GPR39: variants seen among roughly 807,000 people sequenced by gnomAD.
GPR39 encodes zinc sensing receptor.
In GPR39, 23 loss-of-function variants were observed where a neutral mutation model predicts 18.4. The ratio of observed to expected loss-of-function variants is 1.25; its 90% CI spans 0.90 to 1.77. The LOEUF (loss-of-function observed/expected upper bound fraction) is 1.77, where lower values mean the gene tolerates loss of function less well. Among genes scored for constraint, GPR39 ranks in the 40% most tolerant of loss-of-function variants. The probability of loss-of-function intolerance (pLI) is 0.00; values close to 1 mark genes in which losing one functional copy is unlikely to be tolerated. For missense variants in GPR39, 647 were observed against 602.4 expected (o/e 1.07, Z -0.78); for synonymous variants, 280 against 257.9 (o/e 1.09, Z -0.82).
chr2:132,558,269 C>G (rs1177080196), intron 1 of GPR39, among the ~76,000 whole-genome samples: 1 of 152,116 alleles, frequency 6.6e-6, no homozygotes, highest in African/African-American at 2.4e-5. Context: ...GCAATACCTG[C>G]TCTGTTGTCT....
At chr2:132,422,782 T>A (rs1680039104) in intron 1 of GPR39, among the ~76,000 whole-genome samples, 1 of 151,998 alleles carries the variant, frequency 6.6e-6, no homozygotes, top group African/African-American at 2.4e-5. Context: ...AATGCTGCAT[T>A]ATTTTTATAA....
intron 1 of GPR39, among the ~76,000 whole-genome samples, chr2:132,591,732 CA>C (rs1680848447): frequency 6.6e-6 from 1 of 152,048 alleles, no homozygotes; most frequent in Admixed American, 6.5e-5. Context: ...TGTTTGTAGC[CA>C]AAGATCAACA....
chr2:132,530,399 G>A (rs1679593358), intron 1 of GPR39, among the ~76,000 whole-genome samples: 1 of 152,202 alleles, frequency 6.6e-6, no homozygotes, highest in Non-Finnish European at 1.5e-5. Context: ...TGAAAGTGAT[G>A]GGGAGAATGG....
intron 1 of GPR39, among the ~76,000 whole-genome samples, chr2:132,455,060 C>G (rs916496438): frequency 5.3e-5 from 8 of 152,262 alleles, no homozygotes; most frequent in African/African-American, 1.7e-4. Context: ...GGAATGGTAC[C>G]AGTTCCTCCT....
intron 1 of GPR39, among the ~76,000 whole-genome samples, chr2:132,619,313 C>T (rs961548995): frequency 5.9e-5 from 9 of 152,166 alleles, no homozygotes; most frequent in Admixed American, 3.9e-4. Context: ...GTGAAAGATC[C>T]GGCAAGCATG....
chr2:132,457,317 T>C (rs961019479), intron 1 of GPR39, among the ~76,000 whole-genome samples: 2 of 152,234 alleles, frequency 1.3e-5, no homozygotes, highest in African/African-American at 2.4e-5. Flanking sequence ...CGTGCTATGA[T>C]TTTCAGCTCC....
At chr2:132,430,349 G>A (rs560034458) in intron 1 of GPR39, among the ~76,000 whole-genome samples, 2 of 152,346 alleles carry the variant, frequency 1.3e-5, no homozygotes, top group South Asian at 4.1e-4. Context: ...AATGGGAGAA[G>A]AAGGAGCTGG....
chr2:132,476,735 G>T (rs987396602), intron 1 of GPR39, among the ~76,000 whole-genome samples: 5 of 151,424 alleles, frequency 3.3e-5, no homozygotes, highest in Non-Finnish European at 7.4e-5. Context: ...AGGGATGGAG[G>T]AAAAGCATAT....
chr2:132,492,963 T>C (rs561321920), intron 1 of GPR39, among the ~76,000 whole-genome samples: 36 of 140,268 alleles, frequency 2.6e-4, no homozygotes, highest in African/African-American at 8.4e-4. Flanking sequence ...ACCATATATA[T>C]ACACCATATA....
chr2:132,543,902 G>T (rs1294050542), intron 1 of GPR39, among the ~76,000 whole-genome samples: 1 of 152,180 alleles, frequency 6.6e-6, no homozygotes, highest in Non-Finnish European at 1.5e-5. Context: ...GGCTTTTCAA[G>T]GCAGGGGTAC....
chr2:132,475,314 A>G (rs1681105371), intron 1 of GPR39, among the ~76,000 whole-genome samples: 1 of 151,418 alleles, frequency 6.6e-6, no homozygotes, highest in African/African-American at 2.4e-5. Context: ...ATAGTCTACT[A>G]CTTCATAGAA....
At chr2:132,420,228 G>A (rs4425132) in intron 1 of GPR39, among the ~76,000 whole-genome samples, 30,781 of 152,096 alleles carry the variant, frequency 0.2, 3,224 homozygotes, top group Admixed American at 0.23. Flanking sequence ...GGAATTTACC[G>A]TTTGTATTTA....
chr2:132,557,277 C>T (rs1024619950), intron 1 of GPR39, among the ~76,000 whole-genome samples: 1 of 152,136 alleles, frequency 6.6e-6, no homozygotes. Context: ...AAGATCGCAC[C>T]ATTGCACTCC....
At chr2:132,591,234 G>T (rs1385547122) in intron 1 of GPR39, among the ~76,000 whole-genome samples, 1 of 138,504 alleles carries the variant, frequency 7.2e-6, no homozygotes, top group Admixed American at 7.7e-5. Context: ...GTCCGGCCTG[G>T]GCGACAGAGC....
chr2:132,544,460 A>C (rs1323207361), intron 1 of GPR39, among the ~76,000 whole-genome samples: 1 of 152,178 alleles, frequency 6.6e-6, no homozygotes, highest in Non-Finnish European at 1.5e-5. Context: ...AGCTCTCCAC[A>C]TGCTTGCCCC....
chr2:132,573,645 CT>C (rs1001394165), intron 1 of GPR39, among the ~76,000 whole-genome samples: 6 of 152,182 alleles, frequency 3.9e-5, no homozygotes, highest in African/African-American at 1.4e-4. Flanking sequence ...ATCCATCCCC[CT>C]GGGTCCCTCC....
intron 1 of GPR39, among the ~76,000 whole-genome samples, chr2:132,512,892 A>G (rs775897190): frequency 2.4e-4 from 37 of 152,178 alleles, no homozygotes; most frequent in African/African-American, 8.9e-4. Flanking sequence ...TAATATTTTC[A>G]TTCTTTATTG....
At chr2:132,640,228 C>T (rs764136024) in intron 1 of GPR39, among the ~76,000 whole-genome samples, 1 of 152,160 alleles carries the variant, frequency 6.6e-6, no homozygotes, top group Non-Finnish European at 1.5e-5. Context: ...GCCTGCAGAG[C>T]TTAATGCACT....
intron 1 of GPR39, among the ~76,000 whole-genome samples, chr2:132,602,499 A>T (rs2104842355): frequency 6.6e-6 from 1 of 152,260 alleles, no homozygotes; most frequent in East Asian, 1.9e-4. Flanking sequence ...TTTTTGGGTA[A>T]GACTTCAAAA....
Sources: gnomAD v4.1 joint callset for allele counts (sites outside exome capture counted in the v4.1 genomes callset) on GRCh38, gnomAD v4.1.1 for gene constraint, MANE v1.5 for transcripts, NCBI Gene and HGNC (gene_info 2026-07-23, HGNC 2026-07-21) for gene names.